SRCIN1: variants seen among roughly 807,000 people sequenced by gnomAD.
SRCIN1 encodes the protein SRC kinase signaling inhibitor 1, also known as P130Cas-associated protein.
In SRCIN1, 50 loss-of-function variants were observed where a neutral mutation model predicts 116.2. The observed-to-expected ratio is 0.43, with a 90% CI of 0.34 to 0.54. SRCIN1 has a LOEUF of 0.54. Ranked by LOEUF, SRCIN1 falls within the 20% of genes least tolerant of loss-of-function variation. SRCIN1 has a pLI of 0.02. For missense variants in SRCIN1, 1,446 were observed against 1,672.0 expected, an observed-to-expected ratio of 0.86 and a Z score of 2.36; for synonymous variants, 736 against 750.0, an observed-to-expected ratio of 0.98 and a Z score of 0.30.
chr17:38,579,479 G>C (rs1007655798), intron 1 of SRCIN1, among the ~76,000 whole-genome samples: 1 of 152,166 alleles, frequency 6.6e-6, no homozygotes, highest in Non-Finnish European at 1.5e-5. Context: ...TAGACAGACA[G>C]GAGAGGCTGG....
intron 1 of SRCIN1, among the ~76,000 whole-genome samples, chr17:38,588,589 G>A (rs1908270357): frequency 6.6e-6 from 1 of 152,310 alleles, no homozygotes; most frequent in African/African-American, 2.4e-5. Context: ...AGGCTGCCAG[G>A]GCGTCTTCTC....
intron 1 of SRCIN1, among the ~76,000 whole-genome samples, chr17:38,593,146 A>G (rs571820384): frequency 6.6e-6 from 1 of 152,222 alleles, no homozygotes; most frequent in South Asian, 2.1e-4. Context: ...CGGAGGGGCG[A>G]GCCCAGAGGC....
intron 1 of SRCIN1, among the ~76,000 whole-genome samples, chr17:38,589,539 G>T (rs1233854391): frequency 6.6e-6 from 1 of 152,176 alleles, no homozygotes; most frequent in Non-Finnish European, 1.5e-5. Flanking sequence ...TAAAATACAG[G>T]AGTCAGCCCA....
intron 18 of SRCIN1, chr17:38,542,588 G>A (rs1253324233): frequency 6.4e-6 from 1 of 155,270 alleles, no homozygotes; most frequent in Admixed American, 6.3e-5. Flanking sequence ...TGGGGGCCAT[G>A]AGGAGGCAGG....
At chr17:38,578,461 G>A (rs1218109455) in intron 2 of SRCIN1, 29 bp downstream of exon 2, 2 of 1,545,964 alleles carry the variant, frequency 1.3e-6, no homozygotes, top group East Asian at 2.3e-5. Flanking sequence ...CGCGGCCGCA[G>A]CCGCAGCCGC....
Position 38,548,491 on chromosome 17 carries a change from G to A in SRCIN1, c.3270+66C>T, listed in dbSNP as rs1024863320. 75 of 1,582,802 alleles carry A rather than the reference G, an allele frequency of 4.7e-5. 2 individuals are homozygous for A. Among genetic ancestry groups the A allele is most frequent in the South Asian group, 6.7e-5 (6 of 90,092 alleles). On this transcript the variant is annotated intron_variant, in intron 17 of 18. Transcript: ENST00000617146. ...TCTGCCTCATCCTGTCACCTGGCCTGGGGGGCAGCCTGGGAGGGAAGGGGG... is the reference window on the plus strand; with the variant it reads ...TCTGCCTCATCCTGTCACCTGGCCTAGGGGGCAGCCTGGGAGGGAAGGGGG...
intron 1 of SRCIN1, among the ~76,000 whole-genome samples, chr17:38,586,960 GAGC>G (rs1050676120): frequency 2.0e-4 from 31 of 152,082 alleles, no homozygotes; most frequent in Admixed American, 1.9e-3. Flanking sequence ...TCCATGGGGA[GAGC>G]AGATTTGAGG....
rs1597911373 is a variant in SRCIN1 at position 38,568,338 on chromosome 17, C to G, written c.325-107G>C. 3 of 1,085,784 alleles carry G rather than the reference C, an allele frequency of 2.8e-6. No homozygotes were observed. The East Asian group carries it at 7.6e-5, about 27-fold the overall frequency. The allele number at this position is 1,085,784 out of a possible 1,614,324, so 67.3% of individuals were successfully genotyped here. The stretch of plus-strand genomic sequence containing the variant: ...TGGAACTCAGCACTCAGCCCTAGGA[C>G]AAGGGCCCTCCACCCTCCCAGGAGC... On this transcript the variant is annotated intron_variant, in intron 2 of 18. Coordinates refer to ENST00000617146, the MANE Select transcript of SRCIN1 (RefSeq NM_025248.3). This position sits in a 1 kb window ranked among gnomAD's most constrained non-coding sequence, Gnocchi z 4.5.
chr17:38,572,987 T>G lies in SRCIN1; in HGVS notation c.325-4756A>C, dbSNP rs1236362326. Among the ~76,000 whole-genome samples the G allele has an allele frequency of 6.6e-6, 1 of 151,474 alleles. No individual in the cohort carries two copies. Among genetic ancestry groups the G allele is most frequent in the Non-Finnish European group, 1.5e-5 (1 of 67,814 alleles). On this transcript the variant is annotated intron_variant, in intron 2 of 18. Coordinates refer to ENST00000617146, the MANE Select transcript of SRCIN1 (RefSeq NM_025248.3). This position sits in a 1 kb window ranked among gnomAD's most constrained non-coding sequence, Gnocchi z 4.3. ...CCCGCAGAGGAGCGGCGGAGGCTGG[T>G]GGCTGCGTCGCCGCGGTCACCCGAT...
At chr17:38,578,414 G>C in intron 2 of SRCIN1, 76 bp downstream of exon 2, 2 of 1,463,618 alleles carry the variant, frequency 1.4e-6, no homozygotes, top group Non-Finnish European at 1.8e-6. Flanking sequence ...CTGGGGACAC[G>C]GAGCACGGGG....
At chr17:38,535,209 C>CTTTTTTT (rs71138630) in intron 18 of SRCIN1, among the ~76,000 whole-genome samples, 3 of 128,928 alleles carry the variant, frequency 2.3e-5, no homozygotes, top group Non-Finnish European at 4.9e-5. Flanking sequence ...CTTTTTCTTT[C>CTTTTTTT]TTTTTTTTTT....
intron 2 of SRCIN1, among the ~76,000 whole-genome samples, chr17:38,576,631 A>G (rs1341325124): frequency 1.3e-5 from 2 of 151,856 alleles, no homozygotes; most frequent in African/African-American, 4.8e-5. Context: ...CATCCCCAAG[A>G]ATGCCCTACC....
rs746083695 is a variant in SRCIN1, at chr17:38,552,592, G to T, written c.2335C>A (p.His779Asn). 1.2e-6 allele frequency: 2 copies of T among 1,612,268 alleles called. No homozygotes were observed. Among genetic ancestry groups the T allele is most frequent in the Middle Eastern group, 1.7e-4 (1 of 6,060 alleles). Residue 779 changes from histidine to asparagine, a missense_variant and splice_region_variant, in exon 13 of 19, where the codon CAC becomes AAC. Physicochemically the swap from His to Asn is moderately conservative, Grantham distance 68. This residue lies in a region of SRCIN1 where 531 missense variants were observed against 633.9 expected (regional missense o/e 0.84). Transcript: ENST00000617146. The surrounding 1 kb of genome is among the most constrained non-coding windows in gnomAD (Gnocchi z 5.3). ...ATCTTGCTCTGCAGGCCCGGGAAGT[G>T]AGCTGAGGAGACAGGAAGGCATGAG... is the stretch of plus-strand genomic sequence containing the variant. Reference protein sequence around the residue: ...LGETLTELKAHFPGLQSKMRV... With the variant: ...LGETLTELKANFPGLQSKMRV...
At chr17:38,553,517 C>T (rs568858399) in intron 11 of SRCIN1, among the ~76,000 whole-genome samples, 132 of 152,110 alleles carry the variant, frequency 8.7e-4, no homozygotes, top group Non-Finnish European at 1.5e-3. Flanking sequence ...CACGTGCCCC[C>T]GGGGAGGTCT....
rs2143191554 is a variant in SRCIN1 at position 38,562,290 on chromosome 17, C to A, written c.873G>T (p.Thr291=). ...CTGGTGACAGGTTGTTGAGGCGCCG[C>A]GTGGGCGAGGACTCCCGCGATGCGT... ...MVYASRESSP[T]RRLNNLSPAP... Residue 291 remains threonine (T), a synonymous_variant, in exon 7 of 19, where the codon ACG becomes ACT. Transcript: ENST00000617146. The surrounding 1 kb of genome is among the most constrained non-coding windows in gnomAD (Gnocchi z 4.2). 1 of 1,478,374 alleles carries A rather than the reference C, an allele frequency of 6.8e-7. No homozygotes were observed. Among genetic ancestry groups the A allele is most frequent in the East Asian group, 2.9e-5 (1 of 33,944 alleles). 91.6% of individuals were successfully genotyped at this position (1,478,374 alleles called of 1,614,324 possible).
At chr17:38,583,595 C>T (rs1907947211) in intron 1 of SRCIN1, among the ~76,000 whole-genome samples, 1 of 145,678 alleles carries the variant, frequency 6.9e-6, no homozygotes, top group Admixed American at 6.9e-5. Context: ...CTCTATGGCC[C>T]AGGCTGGAGT....
At chr17:38,559,498 G>T (rs1906055596) in intron 10 of SRCIN1, 87 bp downstream of exon 10, 2 of 1,387,830 alleles carry the variant, frequency 1.4e-6, no homozygotes, top group South Asian at 1.3e-5. Flanking sequence ...AAAGGATGAG[G>T]TAGTAGGGGA....
rs1480118799 is a variant in SRCIN1 at position 38,572,244 on chromosome 17, C to T, written c.325-4013G>A. On this transcript the variant is annotated intron_variant, in intron 2 of 18. Coordinates refer to ENST00000617146, the MANE Select transcript of SRCIN1 (RefSeq NM_025248.3). The surrounding 1 kb of genome is among the most constrained non-coding windows in gnomAD (Gnocchi z 4.3). ...TAAACACTCGTCCCCCGGGCTGGGG[C>T]TAAGCCACTCGCCCCTCCTCGGGCG... Among the ~76,000 whole-genome samples the T allele has an allele frequency of 6.6e-6, 1 of 152,166 alleles. No individual in the cohort carries two copies. Among genetic ancestry groups the T allele is most frequent in the Non-Finnish European group, 1.5e-5 (1 of 68,012 alleles).
intron 1 of SRCIN1, among the ~76,000 whole-genome samples, chr17:38,595,459 G>T (rs866013502): frequency 6.6e-6 from 1 of 152,116 alleles, no homozygotes; most frequent in South Asian, 2.1e-4. Flanking sequence ...CTCATGATCC[G>T]CCTGCCTCGG....
Sources: gnomAD v4.1 joint callset for allele counts (sites outside exome capture counted in the v4.1 genomes callset) on GRCh38, gnomAD v4.1.1 for gene constraint, gnomAD v4.1.1 regional missense constraint, Gnocchi (gnomAD v3.1) non-coding constraint, MANE v1.5 for transcripts, NCBI Gene and HGNC (gene_info 2026-07-23, HGNC 2026-07-21) for gene names.